Variants in TCEA1 observed in about 807,000 individuals in gnomAD.
TCEA1 encodes the protein transcription elongation factor A protein 1.
In TCEA1, 21 loss-of-function variants were observed where a neutral mutation model predicts 43.8. The ratio of observed to expected loss-of-function variants is 0.48; its 90% CI spans 0.34 to 0.69. The LOEUF is 0.69. Ranked by LOEUF, TCEA1 falls within the 30% of genes least tolerant of loss-of-function variation. TCEA1 has a pLI of 0.01. For synonymous variants in TCEA1, 104 were observed against 117.5 expected (o/e 0.88, Z 0.75); for missense variants, 250 against 365.1 (o/e 0.68, Z 2.57).
At chr8:53,989,206 G>T (rs957610143) in intron 4 of TCEA1, among the ~76,000 whole-genome samples, 6 of 152,194 alleles carry the variant, frequency 3.9e-5, no homozygotes, top group Non-Finnish European at 8.8e-5. Flanking sequence ...ACATCACCTC[G>T]ATATGAACAT....
At chr8:54,014,319 T>A (rs1173492576) in intron 1 of TCEA1, among the ~76,000 whole-genome samples, 2 of 152,048 alleles carry the variant, frequency 1.3e-5, no homozygotes, top group African/African-American at 4.8e-5. Flanking sequence ...GCTCTAAATG[T>A]CAAGCCTAGG....
At chr8:54,008,638 C>A (rs1440236572) in intron 2 of TCEA1, among the ~76,000 whole-genome samples, 1 of 146,994 alleles carries the variant, frequency 6.8e-6, no homozygotes, top group African/African-American at 2.6e-5. Flanking sequence ...TGCACTACAA[C>A]CTGGGCAACA....
chr8:53,968,538 T>A (rs116485704), intron 9 of TCEA1, among the ~76,000 whole-genome samples: 1,801 of 152,240 alleles, frequency 0.012, 38 homozygotes, highest in African/African-American at 0.041. Flanking sequence ...GTACACCTCA[T>A]CACCATAATA....
intron 9 of TCEA1, 115 bp downstream of exon 9, chr8:53,970,277 G>A: frequency 2.6e-6 from 2 of 779,568 alleles, no homozygotes; most frequent in Non-Finnish European, 4.7e-6. Context: ...CAAGAGTACT[G>A]TATAGTGTGA....
chr8:53,971,972 T>TAA (rs1373237008), intron 8 of TCEA1: 3 of 187,664 alleles, frequency 1.6e-5, no homozygotes, highest in African/African-American at 7.3e-5. Flanking sequence ...CACAAAAAAG[T>TAA]ACAAAAGAGA....
At chr8:53,998,523 T>C (rs2129308001) in intron 3 of TCEA1, among the ~76,000 whole-genome samples, 1 of 152,160 alleles carries the variant, frequency 6.6e-6, no homozygotes, top group Non-Finnish European at 1.5e-5. Flanking sequence ...CACACACACA[T>C]AAAATTTTAA....
At chr8:53,975,761 T>C (rs947247124) in intron 8 of TCEA1, among the ~76,000 whole-genome samples, 2 of 152,104 alleles carry the variant, frequency 1.3e-5, no homozygotes, top group African/African-American at 4.8e-5. Context: ...TACTGTTTAA[T>C]GGGTAAAGAG....
At chr8:53,984,869 G>A (rs1008871346) in intron 6 of TCEA1, among the ~76,000 whole-genome samples, 19 of 151,314 alleles carry the variant, frequency 1.3e-4, no homozygotes, top group African/African-American at 4.1e-4. Flanking sequence ...GCGACAGAGG[G>A]ACACTCCATC....
intron 2 of TCEA1, among the ~76,000 whole-genome samples, chr8:54,008,680 T>C (rs1177162249): frequency 6.9e-6 from 1 of 144,000 alleles, no homozygotes; most frequent in Non-Finnish European, 1.5e-5. Flanking sequence ...AAAAAAACAG[T>C]GGGCAAAGAA....
At chr8:53,972,408 G>A in intron 8 of TCEA1, 1 of 554,684 alleles carries the variant, frequency 1.8e-6, no homozygotes, top group Non-Finnish European at 3.4e-6. Context: ...TGAAAATGAA[G>A]ATGATATGGC....
In TCEA1 at chr8:53,999,020, T is replaced by A. The variant is rs374201923; in HGVS notation, c.232+925A>T. On this transcript the variant is annotated intron_variant, in intron 3 of 9. Coordinates refer to ENST00000521604, the MANE Select transcript of TCEA1 (RefSeq NM_006756.4). ...AAGGCGGGCAGATCACAAGGTCAGG[T>A]GATCGAGACCACCCTGGCTAACACG... Among the ~76,000 whole-genome samples the A allele has an allele frequency of 5.9e-3, 901 of 151,916 alleles. 6 individuals are homozygous for A. The highest frequency in any genetic ancestry group is 0.013 in the African/African-American group (520 of 41,478).
intron 2 of TCEA1, among the ~76,000 whole-genome samples, chr8:54,001,765 C>G (rs750679967): frequency 6.6e-6 from 1 of 152,018 alleles, no homozygotes; most frequent in Non-Finnish European, 1.5e-5. Flanking sequence ...ATGATTATCC[C>G]GCTTAGCCTC....
At chr8:54,004,779 G>A (rs1403033425) in intron 2 of TCEA1, among the ~76,000 whole-genome samples, 2 of 131,698 alleles carry the variant, frequency 1.5e-5, no homozygotes, top group Non-Finnish European at 3.0e-5. Flanking sequence ...CAATAATACT[G>A]TTTAAAAAAA....
Position 53,972,847 on chromosome 8 carries a change from C to G in TCEA1, c.826-2384G>C, listed in dbSNP as rs530701272. On this transcript the variant is annotated intron_variant, in intron 8 of 9. Coordinates refer to ENST00000521604, the MANE Select transcript of TCEA1 (RefSeq NM_006756.4). ...GGCCTGGAATTTGAAAGTAGTTGTTCTTTCACAGATCTAAGGTTTATACCA... is the reference window on the plus strand; with the variant it reads ...GGCCTGGAATTTGAAAGTAGTTGTTGTTTCACAGATCTAAGGTTTATACCA... 435 of 719,702 alleles carry G rather than the reference C, an allele frequency of 6.0e-4. 2 individuals are homozygous for G. The highest frequency in any genetic ancestry group is 5.6e-3 in the South Asian group (411 of 73,800). 44.6% of individuals were successfully genotyped at this position (719,702 alleles called of 1,614,324 possible). A position where few individuals can be genotyped will look rare whatever the true frequency, so the allele number is the denominator to read the frequency against.
chr8:53,997,935 C>T (rs1220274850), intron 3 of TCEA1, among the ~76,000 whole-genome samples: 1 of 152,186 alleles, frequency 6.6e-6, no homozygotes, highest in East Asian at 1.9e-4. Flanking sequence ...AAGGATACAA[C>T]TTAAAAATGT....
chr8:53,967,691 A>G lies in TCEA1; in HGVS notation c.*413T>C, dbSNP rs1803025347. 2 of 213,928 alleles carry G rather than the reference A, an allele frequency of 9.3e-6. No homozygotes were observed. Among genetic ancestry groups the G allele is most frequent in the Admixed American group, 1.2e-4 (2 of 17,154 alleles). The allele number at this position is 213,928 out of a possible 1,614,324, so 13.3% of individuals were successfully genotyped here. On this transcript the variant is annotated 3_prime_UTR_variant, in exon 10 of 10. Coordinates refer to ENST00000521604, the MANE Select transcript of TCEA1 (RefSeq NM_006756.4). ...TTATATTACCTTTTCTCCTCCTTTA[A>G]TATTTGTAGCTACATGCCAATATGG...
intron 2 of TCEA1, among the ~76,000 whole-genome samples, chr8:54,009,424 G>A (rs1044762936): frequency 1.3e-5 from 2 of 152,092 alleles, no homozygotes; most frequent in African/African-American, 4.8e-5. Flanking sequence ...ATCAACCTAA[G>A]TGCCCATCAA....
At chr8:53,973,080 G>A in intron 8 of TCEA1, 1 of 664,534 alleles carries the variant, frequency 1.5e-6, no homozygotes, top group Non-Finnish European at 2.9e-6. Context: ...AGACTACTTA[G>A]CTTCCTCTAG....
In TCEA1 at chr8:53,973,594, A is replaced by C. The variant is rs1329932505; in HGVS notation, c.826-3131T>G. On this transcript the variant is annotated intron_variant, in intron 8 of 9. Transcript: ENST00000521604. ...AAATGGCTTTCCTTACTGGATGAGG[A>C]GGAGGAAAGTAAGAAACACTTCAAT... The C allele has an allele frequency of 1.2e-5, 7 of 564,556 alleles. No individual in the cohort carries two copies. In the East Asian group the frequency reaches 2.7e-4, roughly 22 times the overall value. The allele number at this position is 564,556 out of a possible 1,614,324, so 35.0% of individuals were successfully genotyped here.
Sources: allele counts gnomAD v4.1 joint callset (sites outside exome capture counted in the v4.1 genomes callset), GRCh38; gene constraint gnomAD v4.1.1; transcripts MANE v1.5; gene names NCBI Gene and HGNC (gene_info 2026-07-23, HGNC 2026-07-21).